The following SRFBP1 variants were observed in gnomAD, a reference collection of about 807,000 sequenced individuals.
The protein encoded by SRFBP1 is serum response factor-binding protein 1.
A neutral mutation model predicts 45.5 loss-of-function variants in SRFBP1; 47 were observed. The observed-to-expected ratio is 1.03, with a 90% CI of 0.82 to 1.32. The LOEUF (loss-of-function observed/expected upper bound fraction) is 1.32. SRFBP1 is among the 40% of genes most tolerant of loss of function. SRFBP1 has a pLI of 0.00. For missense variants in SRFBP1, 621 were observed against 484.6 expected, an observed-to-expected ratio of 1.28 and a Z score of -2.64; for synonymous variants, 203 against 166.3, an observed-to-expected ratio of 1.22 and a Z score of -1.70.
At chr5:122,004,119 G>A (rs963937723) in intron 4 of SRFBP1, among the ~76,000 whole-genome samples, 1 of 152,056 alleles carries the variant, frequency 6.6e-6, no homozygotes, top group South Asian at 2.1e-4. Context: ...AAGTGTAGCT[G>A]GGACTACAGT....
chr5:121,980,603 G>A (rs1752388979), intron 3 of SRFBP1, among the ~76,000 whole-genome samples: 1 of 152,066 alleles, frequency 6.6e-6, no homozygotes, highest in Non-Finnish European at 1.5e-5. Flanking sequence ...TTTTGCTTAT[G>A]GAGAAGAAAA....
chr5:121,988,517 T>A (rs1203976846), intron 3 of SRFBP1, among the ~76,000 whole-genome samples: 5 of 152,218 alleles, frequency 3.3e-5, no homozygotes, highest in African/African-American at 1.2e-4. Context: ...TGGAGTCATA[T>A]GGCCACATTC....
At chr5:122,017,904 T>C (rs1753221866) in intron 4 of SRFBP1, among the ~76,000 whole-genome samples, 1 of 152,226 alleles carries the variant, frequency 6.6e-6, no homozygotes, top group Admixed American at 6.5e-5. Flanking sequence ...GTGTATTGGG[T>C]GCCTACTATT....
At chr5:122,075,742 C>G (rs889080039), downstream of SRFBP1, among the ~76,000 whole-genome samples, 1 of 152,066 alleles carries the variant, frequency 6.6e-6, no homozygotes, top group Non-Finnish European at 1.5e-5. Flanking sequence ...GTAGTCAGAG[C>G]TCAATGAATA....
intron 1 of SRFBP1, 97 bp from the exon 2 acceptor site, chr5:121,974,099 A>G: frequency 1.3e-6 from 1 of 748,818 alleles, no homozygotes. Flanking sequence ...AAGTAGTTAA[A>G]GTGGTAGACT....
Position 122,022,384 on chromosome 5 carries a change from A to G in SRFBP1, c.1082A>G (p.Gln361Arg). Residue 361 changes from glutamine to arginine, a missense_variant, in exon 7 of 8, where the codon CAG becomes CGG. Physicochemically the swap from Gln to Arg is conservative, Grantham distance 43. Coordinates refer to ENST00000339397, the MANE Select transcript of SRFBP1 (RefSeq NM_152546.3). Reference sequence around the variant, plus strand: ...TCTTCTTTTAGAAATTTCAAAGAACAGGCTCCAAAAACAAGATCCCTAGGT... The same window carrying G: ...TCTTCTTTTAGAAATTTCAAAGAACGGGCTCCAAAAACAAGATCCCTAGGT... ...SKSSRRNFKE[Q>R]APKTRSLDFP... The G allele has an allele frequency of 6.2e-7, 1 of 1,611,696 alleles. No individual in the cohort carries two copies. Among genetic ancestry groups the G allele is most frequent in the South Asian group, 1.1e-5 (1 of 90,518 alleles).
rs1157396861 is a variant in SRFBP1 at position 122,027,712 on chromosome 5, A to G, written c.*586A>G. ...AAATCATTCTTGTTAGCAAACTAAA[A>G]TAGTAACTTTTATTATGGATGTACA... On this transcript the variant is annotated 3_prime_UTR_variant, in exon 8 of 8. Transcript: ENST00000339397. 1 of 152,160 alleles carries G rather than the reference A, an allele frequency of 6.6e-6. No homozygotes were observed. The highest frequency in any genetic ancestry group is 2.4e-5 in the African/African-American group (1 of 41,442). The allele number at this position is 152,160 out of a possible 1,614,324, so 9.4% of individuals were successfully genotyped here. A position where few individuals can be genotyped will look rare whatever the true frequency, so the allele number is the denominator to read the frequency against.
chr5:122,022,235 T>C, intron 6 of SRFBP1, 135 bp from the exon 7 acceptor site: 1 of 658,182 alleles, frequency 1.5e-6, no homozygotes, highest in Non-Finnish European at 2.5e-6. Context: ...TTCATAATTA[T>C]TTTATTGTTT....
intron 4 of SRFBP1, among the ~76,000 whole-genome samples, chr5:122,008,542 G>A (rs1330347612): frequency 1.3e-5 from 2 of 152,116 alleles, no homozygotes; most frequent in African/African-American, 4.8e-5. Flanking sequence ...GTATAAAACT[G>A]TCCTTCCTAC....
At chr5:121,989,642 T>G (rs970157355) in intron 3 of SRFBP1, among the ~76,000 whole-genome samples, 1 of 152,170 alleles carries the variant, frequency 6.6e-6, no homozygotes, top group Non-Finnish European at 1.5e-5. Flanking sequence ...TGGATCTTAG[T>G]TTTCCATTTG....
chr5:122,015,735 C>T (rs1010450906), intron 4 of SRFBP1, among the ~76,000 whole-genome samples: 8 of 152,332 alleles, frequency 5.3e-5, no homozygotes, highest in Admixed American at 1.3e-4. Flanking sequence ...ATAAAAGTGG[C>T]AGTACTCTAT....
At chr5:122,048,377 G>A (rs181138623) in intron 2 of SRFBP1, among the ~76,000 whole-genome samples, 15 of 152,290 alleles carry the variant, frequency 9.8e-5, no homozygotes, top group African/African-American at 2.4e-4. Context: ...AACCAGCCTT[G>A]CATCCCAGGG....
At position 122,013,449 on chromosome 5, in the gene SRFBP1, A is replaced by G. The variant is rs143532960; in HGVS notation, c.271-5811A>G. On this transcript the variant is annotated intron_variant, in intron 4 of 7. Coordinates refer to ENST00000339397, the MANE Select transcript of SRFBP1 (RefSeq NM_152546.3). ...TTGTTAAAAAATTCAACTCAGAAGTATGAAAGTTTGACTCATGAAAATTTT... is the reference window on the plus strand; with the variant it reads ...TTGTTAAAAAATTCAACTCAGAAGTGTGAAAGTTTGACTCATGAAAATTTT... Among the ~76,000 whole-genome samples the G allele has an allele frequency of 3.3e-5, 5 of 152,276 alleles. No individual in the cohort carries two copies. The East Asian group carries it at 9.6e-4, about 29-fold the overall frequency.
At chr5:121,970,098 C>T (rs1421949856) in intron 1 of SRFBP1, among the ~76,000 whole-genome samples, 6 of 152,176 alleles carry the variant, frequency 3.9e-5, no homozygotes. Context: ...TTTACAATTC[C>T]TGGGTGACAA....
intron 2 of SRFBP1, among the ~76,000 whole-genome samples, chr5:122,038,708 A>AT (rs1412014726): frequency 1.3e-5 from 2 of 152,190 alleles, no homozygotes; most frequent in Non-Finnish European, 2.9e-5. Context: ...TGAAAACTTT[A>AT]TTTAGGAAAG....
chr5:122,072,965 G>A (rs1211628489), intron 2 of SRFBP1, among the ~76,000 whole-genome samples: 1 of 152,124 alleles, frequency 6.6e-6, no homozygotes, highest in Non-Finnish European at 1.5e-5. Flanking sequence ...ATAATGTGTG[G>A]GTAAGTTACA....
In SRFBP1 at chr5:122,060,005, A is replaced by G. The variant is rs557898767; in HGVS notation, n.312-15310A>G. ...TTGGAACTCCAGTGTGACATGTTGA[A>G]TAAGAAGGAACTTGGATCTTCTCTC... is the stretch of plus-strand genomic sequence containing the variant. On this transcript the variant is annotated intron_variant and non_coding_transcript_variant, in intron 2 of 2. Transcript: ENST00000504881. Among the ~76,000 whole-genome samples, 15 of 152,206 alleles carry G rather than the reference A, an allele frequency of 9.9e-5. No homozygotes were observed. In the East Asian group the frequency reaches 2.5e-3, roughly 25 times the overall value.
At position 122,066,862 on chromosome 5, in the gene SRFBP1, C is replaced by T. The variant is rs1447665291; in HGVS notation, n.312-8453C>T. 9 of 683,026 alleles carry T rather than the reference C, an allele frequency of 1.3e-5. No individual in the cohort carries two copies. In the African/African-American group the frequency reaches 1.6e-4, roughly 12 times the overall value. The allele number at this position is 683,026 out of a possible 1,614,324, so 42.3% of individuals were successfully genotyped here. A position where few individuals can be genotyped will look rare whatever the true frequency, so the allele number is the denominator to read the frequency against. On this transcript the variant is annotated intron_variant and non_coding_transcript_variant, in intron 2 of 2. Coordinates refer to the SRFBP1 transcript ENST00000504881. Reference sequence around the variant, plus strand: ...AAAACTTTATGCAACAGTTTCCCTCCACCTAAGCAGCAATCATGTTGTGAA... The same window carrying T: ...AAAACTTTATGCAACAGTTTCCCTCTACCTAAGCAGCAATCATGTTGTGAA...
intron 4 of SRFBP1, among the ~76,000 whole-genome samples, chr5:122,006,412 C>T (rs567867750): frequency 6.6e-6 from 1 of 152,188 alleles, no homozygotes; most frequent in East Asian, 1.9e-4. Flanking sequence ...CTTTGACCTC[C>T]CTGTACCTGG....
Sources: allele counts gnomAD v4.1 joint callset (sites outside exome capture counted in the v4.1 genomes callset), GRCh38; gene constraint gnomAD v4.1.1; transcripts MANE v1.5; gene names NCBI Gene and HGNC (gene_info 2026-07-23, HGNC 2026-07-21).